HERC3: variants seen among roughly 807,000 people sequenced by gnomAD.
HERC3 encodes the protein probable E3 ubiquitin-protein ligase HERC3.
In HERC3, 58 loss-of-function variants were observed where a neutral mutation model predicts 129.9. The ratio of observed to expected loss-of-function variants is 0.45; its 90% CI spans 0.36 to 0.56. The LOEUF (loss-of-function observed/expected upper bound fraction) is 0.56. Among genes scored for constraint, HERC3 ranks in the 20% least tolerant of loss-of-function variants. The pLI is 0.00. For synonymous variants in HERC3, 430 were observed against 451.0 expected (o/e 0.95, Z 0.59); for missense variants, 835 against 1,244.2 (o/e 0.67, Z 4.95).
At chr4:88,529,682 T>C in the HERC3 span, among the ~76,000 whole-genome samples, 1 of 149,162 alleles carries the variant, frequency 6.7e-6, no homozygotes, top group African/African-American at 2.5e-5. Context: ...TGAAACCAGA[T>C]GGCAGAGGCT....
intron 3 of HERC3, among the ~76,000 whole-genome samples, chr4:88,610,000 C>T (rs1308003205): frequency 1.3e-5 from 2 of 152,102 alleles, no homozygotes; most frequent in Admixed American, 6.6e-5. Flanking sequence ...ACTGTCATGG[C>T]GCTGGTGGGA....
intron 2 of HERC3, among the ~76,000 whole-genome samples, chr4:88,597,630 C>T (rs939379338): frequency 2.0e-5 from 3 of 152,306 alleles, no homozygotes; most frequent in African/African-American, 4.8e-5. Context: ...TTGCCAGTCT[C>T]GTTGGTGTCT....
At chr4:88,628,770 A>G (rs1485924959) in intron 3 of HERC3, among the ~76,000 whole-genome samples, 1 of 152,230 alleles carries the variant, frequency 6.6e-6, no homozygotes, top group Non-Finnish European at 1.5e-5. Flanking sequence ...GTATAAAACA[A>G]TCTGCAGGCT....
the HERC3 span, among the ~76,000 whole-genome samples, chr4:88,576,248 TCTACTA>T: frequency 6.6e-6 from 1 of 151,490 alleles, no homozygotes; most frequent in Admixed American, 6.6e-5. Context: ...CCTTTATAAT[TCTACTA>T]CCACTCCCCT....
chr4:88,637,442 CAAAA>C (rs1187056304), intron 3 of HERC3, among the ~76,000 whole-genome samples: 3 of 152,006 alleles, frequency 2.0e-5, no homozygotes, highest in African/African-American at 7.3e-5. Context: ...AACAAACAAA[CAAAA>C]AGCCACACAA....
the HERC3 span, among the ~76,000 whole-genome samples, chr4:88,581,449 G>T: frequency 6.8e-6 from 1 of 148,066 alleles, no homozygotes; most frequent in African/African-American, 2.6e-5. Context: ...AGGTGCCCGC[G>T]ACCATGCCTG....
At position 88,656,204 on chromosome 4, in the gene HERC3, T is replaced by C. The variant is rs1052082925; in HGVS notation, c.1069+169T>C. ...ACTTACTATGCATGAAGCTGTAGAG[T>C]TGAGATCCTAGAGAATAAATAAAGC... On this transcript the variant is annotated intron_variant, in intron 9 of 25. Transcript: ENST00000402738. The C allele has an allele frequency of 6.2e-6, 4 of 648,982 alleles. No individual in the cohort carries two copies. In the African/African-American group the frequency reaches 7.3e-5, roughly 12 times the overall value. The allele number at this position is 648,982 out of a possible 1,614,324, so 40.2% of individuals were successfully genotyped here.
At chr4:88,546,079 G>T in the HERC3 span, among the ~76,000 whole-genome samples, 2 of 152,094 alleles carry the variant, frequency 1.3e-5, no homozygotes, top group African/African-American at 4.8e-5. Flanking sequence ...AGTGTATTTT[G>T]TGTTTATGCT....
the HERC3 span, among the ~76,000 whole-genome samples, chr4:88,555,245 T>C: frequency 1.4e-5 from 2 of 144,308 alleles, no homozygotes; most frequent in Non-Finnish European, 3.0e-5. Flanking sequence ...ATCGTGCCAC[T>C]GCACTCCAGC....
intron 23 of HERC3, among the ~76,000 whole-genome samples, chr4:88,687,782 C>T (rs2149327009): frequency 6.6e-6 from 1 of 152,320 alleles, no homozygotes; most frequent in East Asian, 1.9e-4. Context: ...CTTACTATCA[C>T]TGCTATTTTA....
upstream of HERC3, among the ~76,000 whole-genome samples, chr4:88,587,793 T>C (rs1721568954): frequency 6.6e-6 from 1 of 152,270 alleles, no homozygotes; most frequent in Non-Finnish European, 1.5e-5. Flanking sequence ...TGCCTGATTT[T>C]TGGCAGTTAC....
At chr4:88,645,667 A>G (rs1476637814) in intron 3 of HERC3, among the ~76,000 whole-genome samples, 1 of 152,196 alleles carries the variant, frequency 6.6e-6, no homozygotes, top group Non-Finnish European at 1.5e-5. Context: ...CAGCATGGAT[A>G]TGCTGGACAA....
chr4:88,531,044 G>A, the HERC3 span, among the ~76,000 whole-genome samples: 1 of 152,048 alleles, frequency 6.6e-6, no homozygotes. Context: ...TTTTAATGGA[G>A]ATGGGGTTTT....
chr4:88,689,451 G>A (rs1733830150), intron 23 of HERC3, among the ~76,000 whole-genome samples: 1 of 151,400 alleles, frequency 6.6e-6, no homozygotes, highest in Non-Finnish European at 1.5e-5. Flanking sequence ...CTTGGAAAGT[G>A]GAGGCTGTAG....
chr4:88,692,742 C>T (rs888997893), intron 23 of HERC3, among the ~76,000 whole-genome samples: 2 of 152,192 alleles, frequency 1.3e-5, no homozygotes, highest in African/African-American at 4.8e-5. Flanking sequence ...GCATAAGTCT[C>T]TTGTTCAACG....
the HERC3 span, among the ~76,000 whole-genome samples, chr4:88,577,986 C>G: frequency 6.6e-6 from 1 of 152,156 alleles, no homozygotes; most frequent in Non-Finnish European, 1.5e-5. Context: ...CTAGAAGATT[C>G]ATTCCTTCAG....
At chr4:88,596,720 T>C (rs1237728912) in intron 2 of HERC3, among the ~76,000 whole-genome samples, 2 of 152,224 alleles carry the variant, frequency 1.3e-5, no homozygotes, top group Non-Finnish European at 2.9e-5. Context: ...GAAACAACAA[T>C]AAAAGGACAG....
chr4:88,680,534 G>GTCAATAA (rs1326984346), intron 20 of HERC3, among the ~76,000 whole-genome samples: 2 of 152,160 alleles, frequency 1.3e-5, no homozygotes, highest in African/African-American at 4.8e-5. Context: ...CATATGGAAG[G>GTCAATAA]TCAATAATCA....
intron 3 of HERC3, among the ~76,000 whole-genome samples, chr4:88,648,926 C>T (rs1253036626): frequency 2.6e-5 from 4 of 151,138 alleles, no homozygotes; most frequent in South Asian, 4.2e-4. Context: ...ATTTATGCTA[C>T]CACATTTTTG....
Sources: gnomAD v4.1 joint callset for allele counts (sites outside exome capture counted in the v4.1 genomes callset) on GRCh38, gnomAD v4.1.1 for gene constraint, MANE v1.5 for transcripts, NCBI Gene and HGNC (gene_info 2026-07-23, HGNC 2026-07-21) for gene names.